Variants in LRRC28 observed in about 807,000 individuals in gnomAD.
The protein encoded by LRRC28 is leucine rich repeat containing 28.
A neutral mutation model predicts 45.7 loss-of-function variants in LRRC28; 39 were observed. That is an observed-to-expected ratio of 0.85 (90% CI 0.66 to 1.12). The LOEUF (loss-of-function observed/expected upper bound fraction) is 1.12, where lower values mean the gene tolerates loss of function less well. Among genes scored for constraint, LRRC28 ranks in the 50% most tolerant of loss-of-function variants. The pLI, the probability that LRRC28 is intolerant of heterozygous loss-of-function variation, is 0.00. For missense variants in LRRC28, 435 were observed against 438.5 expected (o/e 0.99, Z 0.07); for synonymous variants, 206 against 178.8 (o/e 1.15, Z -1.22).
At chr15:99,306,856 C>G (rs1028879566) in intron 5 of LRRC28, among the ~76,000 whole-genome samples, 5 of 152,196 alleles carry the variant, frequency 3.3e-5, no homozygotes, top group Non-Finnish European at 5.9e-5. Context: ...TGAGCACGGG[C>G]TGCTTTCCTA....
chr15:99,251,528 C>T lies in LRRC28; in HGVS notation c.-74C>T, dbSNP rs1352368805. 6.6e-6 allele frequency: 1 copy of T among 152,196 alleles called. No individual in the cohort carries two copies. 9.4% of individuals were successfully genotyped at this position (152,196 alleles called of 1,614,324 possible). The stretch of plus-strand genomic sequence containing the variant: ...CCGCTTGCGCTCCGGAGCGCTGGCT[C>T]TGCTGGCGCTGAGGTGAGTAGAGCT... On this transcript the variant is annotated 5_prime_UTR_variant, in exon 1 of 10. Transcript: ENST00000301981.
chr15:99,352,853 A>T (rs1424723076), intron 7 of LRRC28, among the ~76,000 whole-genome samples: 1 of 152,222 alleles, frequency 6.6e-6, no homozygotes, highest in Non-Finnish European at 1.5e-5. Context: ...TAGAGGAATC[A>T]GCATTAATTT....
intron 5 of LRRC28, among the ~76,000 whole-genome samples, chr15:99,306,015 C>T (rs1955168800): frequency 6.6e-6 from 1 of 152,152 alleles, no homozygotes; most frequent in African/African-American, 2.4e-5. Context: ...CAGAAGAATA[C>T]TTTTGTTAAA....
At chr15:99,337,972 C>T (rs752986315) in intron 6 of LRRC28, 11 of 152,272 alleles carry the variant, frequency 7.2e-5, no homozygotes, top group African/African-American at 1.4e-4. Context: ...TCTTTGAGAA[C>T]AGCAGGAAGA....
intron 3 of LRRC28, among the ~76,000 whole-genome samples, chr15:99,279,453 C>T (rs969714216): frequency 6.6e-6 from 1 of 152,162 alleles, no homozygotes; most frequent in Non-Finnish European, 1.5e-5. Flanking sequence ...TTGCCCTGGG[C>T]AATCTGCTAC....
chr15:99,352,243 A>T, intron 6 of LRRC28, 126 bp from the exon 7 acceptor site: 1 of 685,628 alleles, frequency 1.5e-6, no homozygotes, highest in Non-Finnish European at 2.4e-6. Flanking sequence ...TTTATATAAC[A>T]CTTTTTATGG....
chr15:99,386,107 C>G lies in LRRC28; in HGVS notation c.*5C>G, dbSNP rs1480929005. The stretch of plus-strand genomic sequence containing the variant: ...ACTTTTGACCTGCTGAGTTGATAAA[C>G]ACTCAAGAACCTCAGGAGCGCTGCC... On this transcript the variant is annotated 3_prime_UTR_variant, in exon 10 of 10. Coordinates refer to ENST00000301981, the MANE Select transcript of LRRC28 (RefSeq NM_144598.5). 1 of 1,613,098 alleles carries G rather than the reference C, an allele frequency of 6.2e-7. No homozygotes were observed. Among genetic ancestry groups the G allele is most frequent in the Admixed American group, 1.7e-5 (1 of 60,018 alleles).
At chr15:99,278,841 C>T (rs562568551) in intron 3 of LRRC28, among the ~76,000 whole-genome samples, 35 of 152,320 alleles carry the variant, frequency 2.3e-4, no homozygotes, top group African/African-American at 8.2e-4. Flanking sequence ...GCAGTCTCAT[C>T]TGAAGATTTA....
chr15:99,357,765 GAA>G (rs1457202494), intron 7 of LRRC28, among the ~76,000 whole-genome samples: 1 of 151,994 alleles, frequency 6.6e-6, no homozygotes, highest in Admixed American at 6.6e-5. Context: ...TTATATTAAA[GAA>G]AAACACAATT....
At chr15:99,320,386 T>C (rs1163564565) in intron 5 of LRRC28, among the ~76,000 whole-genome samples, 2 of 152,176 alleles carry the variant, frequency 1.3e-5, no homozygotes, top group Non-Finnish European at 2.9e-5. Context: ...AGTTGTGTCC[T>C]ATACTGGCAG....
intron 6 of LRRC28, among the ~76,000 whole-genome samples, chr15:99,348,059 G>T (rs947193368): frequency 6.6e-6 from 1 of 151,934 alleles, no homozygotes; most frequent in Non-Finnish European, 1.5e-5. Flanking sequence ...CTACCTGTTG[G>T]CCTTTTGTAT....
intron 5 of LRRC28, among the ~76,000 whole-genome samples, chr15:99,293,639 A>G (rs2082192390): frequency 7.0e-6 from 1 of 143,774 alleles, no homozygotes; most frequent in Non-Finnish European, 1.5e-5. Context: ...AAAAACCTAA[A>G]CAATATTTAC....
At chr15:99,315,950 C>G (rs1449947548) in intron 5 of LRRC28, among the ~76,000 whole-genome samples, 1 of 152,154 alleles carries the variant, frequency 6.6e-6, no homozygotes, top group African/African-American at 2.4e-5. Flanking sequence ...CTGTTTCCCA[C>G]TCATGAAATT....
intron 2 of LRRC28, chr15:99,257,922 G>A (rs2081072978): frequency 1.3e-6 from 1 of 769,446 alleles, no homozygotes; most frequent in Admixed American, 1.8e-5. Flanking sequence ...TGAAAATAAA[G>A]AGATTTTCCT....
chr15:99,275,308 T>G (rs987938730), intron 2 of LRRC28, among the ~76,000 whole-genome samples: 7 of 152,230 alleles, frequency 4.6e-5, no homozygotes, highest in African/African-American at 1.7e-4. Flanking sequence ...TGACTTCTTC[T>G]GGGTAAAGGA....
chr15:99,360,024 T>C (rs995404888), intron 7 of LRRC28, among the ~76,000 whole-genome samples: 12 of 152,156 alleles, frequency 7.9e-5, no homozygotes, highest in African/African-American at 2.9e-4. Flanking sequence ...CTTTCCTGTC[T>C]ACCATACTGT....
chr15:99,373,422 A>C (rs914234636), intron 9 of LRRC28, among the ~76,000 whole-genome samples: 1 of 152,134 alleles, frequency 6.6e-6, no homozygotes, highest in African/African-American at 2.4e-5. Flanking sequence ...CATAGTAGAT[A>C]TATATATTTA....
chr15:99,300,693 G>T (rs566186738), intron 5 of LRRC28, among the ~76,000 whole-genome samples: 5 of 152,260 alleles, frequency 3.3e-5, no homozygotes, highest in African/African-American at 1.2e-4. Context: ...GGATGTGATG[G>T]TGTGCACCTG....
intron 2 of LRRC28, among the ~76,000 whole-genome samples, chr15:99,265,566 G>C (rs1268022262): frequency 6.6e-6 from 1 of 152,106 alleles, no homozygotes; most frequent in Non-Finnish European, 1.5e-5. Flanking sequence ...TCCCTGCATC[G>C]GTCCCTGTGG....
Sources: allele counts gnomAD v4.1 joint callset (sites outside exome capture counted in the v4.1 genomes callset), GRCh38; gene constraint gnomAD v4.1.1; transcripts MANE v1.5; gene names NCBI Gene and HGNC (gene_info 2026-07-23, HGNC 2026-07-21).